Variants in ROR1 observed in about 807,000 individuals in gnomAD.
ROR1 encodes the protein ROR family WNT receptor 1, also known as inactive tyrosine-protein kinase transmembrane receptor ROR1.
Under a neutral mutation model 78.8 loss-of-function variants are expected in ROR1, and 19 were observed. The ratio of observed to expected loss-of-function variants is 0.24; its 90% confidence interval spans 0.17 to 0.35. The LOEUF is 0.35. ROR1 is among the 10% of genes least tolerant of loss of function. ROR1 has a pLI of 1.00. For missense variants in ROR1, 917 were observed against 1,177.8 expected, an observed-to-expected ratio of 0.78 and a Z score of 3.24; for synonymous variants, 386 against 433.6, an observed-to-expected ratio of 0.89 and a Z score of 1.36.
intron 1 of ROR1, among the ~76,000 whole-genome samples, chr1:63,855,890 C>T (rs1188055171): frequency 6.6e-6 from 1 of 151,960 alleles, no homozygotes; most frequent in East Asian, 1.9e-4. Flanking sequence ...ATCTCTTGAC[C>T]TCGTGACCCG....
In ROR1 at chr1:64,044,427, C is replaced by T. The variant is rs556048687; in HGVS notation, c.164-5264C>T. ...AAACAAATTCAGACAATGGCACCAA[C>T]GGTACCAAACTAGTGGTCACTGTAC... On this transcript the variant is annotated intron_variant, in intron 2 of 8. Coordinates refer to ENST00000371079, the MANE Select transcript of ROR1 (RefSeq NM_005012.4). Among the ~76,000 whole-genome samples the T allele has an allele frequency of 1.2e-4, 18 of 152,150 alleles. No homozygotes were observed. The East Asian group carries it at 2.3e-3, about 20-fold the overall frequency.
At chr1:64,156,876 G>A (rs1649789823) in intron 7 of ROR1, among the ~76,000 whole-genome samples, 1 of 152,132 alleles carries the variant, frequency 6.6e-6, no homozygotes. Context: ...GCAGTGAAGT[G>A]TAGTAGCTAG....
At chr1:64,136,354 TA>T (rs1270787495) in intron 4 of ROR1, among the ~76,000 whole-genome samples, 43 of 131,754 alleles carry the variant, frequency 3.3e-4, no homozygotes, top group African/African-American at 1.4e-3. Context: ...AAAAACGGTG[TA>T]TTTTTTTTTT....
chr1:64,012,233 C>G (rs1022088956), intron 2 of ROR1, among the ~76,000 whole-genome samples: 6 of 152,124 alleles, frequency 3.9e-5, no homozygotes, highest in African/African-American at 1.4e-4. Context: ...GAAACAAACT[C>G]CCTGCGTTAG....
intron 1 of ROR1, among the ~76,000 whole-genome samples, chr1:63,850,391 GGAATA>G (rs1458519298): frequency 2.0e-5 from 3 of 152,194 alleles, no homozygotes; most frequent in African/African-American, 7.2e-5. Flanking sequence ...CAAATACCTA[GGAATA>G]GAATAGAGTA....
intron 4 of ROR1, among the ~76,000 whole-genome samples, chr1:64,083,207 A>G (rs1301766107): frequency 6.6e-6 from 1 of 151,842 alleles, no homozygotes; most frequent in African/African-American, 2.4e-5. Flanking sequence ...GTAGAAGGAA[A>G]CTCTGGGAAG....
At chr1:64,133,840 A>G (rs1649009710) in intron 4 of ROR1, among the ~76,000 whole-genome samples, 1 of 152,254 alleles carries the variant, frequency 6.6e-6, no homozygotes, top group Non-Finnish European at 1.5e-5. Flanking sequence ...GAAGACATCA[A>G]TGATGAAAGA....
intron 4 of ROR1, among the ~76,000 whole-genome samples, chr1:64,067,065 T>C (rs935796608): frequency 3.3e-5 from 5 of 152,098 alleles, no homozygotes; most frequent in African/African-American, 1.2e-4. Flanking sequence ...TGGAAATACT[T>C]GAGGCCAGGC....
At chr1:64,087,078 A>G (rs1445188811) in intron 4 of ROR1, among the ~76,000 whole-genome samples, 2 of 152,194 alleles carry the variant, frequency 1.3e-5, no homozygotes, top group African/African-American at 4.8e-5. Context: ...AAAAGACCCT[A>G]TGATATGATA....
chr1:64,171,617 A>T (rs1184782037), intron 8 of ROR1, among the ~76,000 whole-genome samples: 1 of 152,228 alleles, frequency 6.6e-6, no homozygotes, highest in Non-Finnish European at 1.5e-5. Flanking sequence ...ATGGGGAATT[A>T]ACTGGCCTTG....
chr1:63,859,977 G>A (rs1645169965), intron 1 of ROR1, among the ~76,000 whole-genome samples: 1 of 152,168 alleles, frequency 6.6e-6, no homozygotes, highest in Admixed American at 6.5e-5. Context: ...TTATAGATGA[G>A]GAGCCTGAGG....
chr1:64,010,088 A>G (rs1261891222), intron 2 of ROR1, among the ~76,000 whole-genome samples: 1 of 151,920 alleles, frequency 6.6e-6, no homozygotes, highest in African/African-American at 2.4e-5. Flanking sequence ...CTCTGCTCTC[A>G]CCTTTTCACC....
At chr1:63,866,379 G>A (rs768859271) in intron 1 of ROR1, among the ~76,000 whole-genome samples, 18 of 152,158 alleles carry the variant, frequency 1.2e-4, no homozygotes, top group Non-Finnish European at 2.4e-4. Flanking sequence ...TATGGGCAAG[G>A]CAAATGTGGC....
intron 1 of ROR1, among the ~76,000 whole-genome samples, chr1:63,812,492 G>A (rs1644865741): frequency 6.6e-6 from 1 of 152,180 alleles, no homozygotes; most frequent in Non-Finnish European, 1.5e-5. Context: ...GACATTGAAG[G>A]TAGTCAGTAA....
intron 1 of ROR1, among the ~76,000 whole-genome samples, chr1:63,775,107 C>T (rs1644607340): frequency 6.6e-6 from 1 of 152,108 alleles, no homozygotes; most frequent in Admixed American, 6.6e-5. Context: ...CCGCTGCAGC[C>T]GCTGCCACTT....
chr1:64,128,577 A>G (rs974535961), intron 4 of ROR1, among the ~76,000 whole-genome samples: 4 of 146,434 alleles, frequency 2.7e-5, no homozygotes, highest in Admixed American at 6.9e-5. Flanking sequence ...AGAAATTAAA[A>G]TAAAAAGTGG....
At chr1:63,876,964 A>G (rs1200506444) in intron 1 of ROR1, among the ~76,000 whole-genome samples, 2 of 152,148 alleles carry the variant, frequency 1.3e-5, no homozygotes, top group African/African-American at 4.8e-5. Context: ...ATGAAATAAC[A>G]TTAAACAACT....
chr1:64,157,249 C>T (rs913762132), intron 7 of ROR1, among the ~76,000 whole-genome samples: 3 of 152,192 alleles, frequency 2.0e-5, no homozygotes, highest in Non-Finnish European at 2.9e-5. Flanking sequence ...GTAATCCTTC[C>T]GCCTCAGCCT....
intron 1 of ROR1, among the ~76,000 whole-genome samples, chr1:63,974,675 T>C (rs1003312660): frequency 1.3e-5 from 2 of 152,168 alleles, no homozygotes; most frequent in Non-Finnish European, 2.9e-5. Context: ...TCTTGCGCTG[T>C]TGCCCAGGCT....
Sources: allele counts gnomAD v4.1 joint callset (sites outside exome capture counted in the v4.1 genomes callset), GRCh38; gene constraint gnomAD v4.1.1; transcripts MANE v1.5; gene names NCBI Gene and HGNC (gene_info 2026-07-23, HGNC 2026-07-21).